Variants in AFF3 observed in about 807,000 individuals in gnomAD.
AFF3 encodes the protein AF4/FMR2 family member 3.
Under a neutral mutation model 129.7 loss-of-function variants are expected in AFF3, and 32 were observed. That is an observed-to-expected ratio of 0.25 (90% CI 0.19 to 0.33). The LOEUF (loss-of-function observed/expected upper bound fraction) is 0.33. Ranked by LOEUF, AFF3 falls within the 10% of genes least tolerant of loss-of-function variation. The pLI, the probability that AFF3 is intolerant of heterozygous loss-of-function variation, is 1.00. For missense variants in AFF3, 1,373 were observed against 1,592.0 expected (o/e 0.86, Z 2.34); for synonymous variants, 644 against 635.4 (o/e 1.01, Z -0.20).
At chr2:99,627,723 T>C (rs1682731840) in intron 13 of AFF3, among the ~76,000 whole-genome samples, 1 of 152,224 alleles carries the variant, frequency 6.6e-6, no homozygotes, top group Non-Finnish European at 1.5e-5. Context: ...CTTAAGTCTT[T>C]AATCTATCTC....
At chr2:99,915,795 C>T (rs982599861) in intron 7 of AFF3, among the ~76,000 whole-genome samples, 16 of 152,044 alleles carry the variant, frequency 1.1e-4, no homozygotes, top group African/African-American at 3.6e-4. Flanking sequence ...AGTCTATGTA[C>T]TTTTTGGGAT....
At chr2:99,858,152 A>T (rs1489508018) in intron 7 of AFF3, among the ~76,000 whole-genome samples, 1 of 152,190 alleles carries the variant, frequency 6.6e-6, no homozygotes, top group Non-Finnish European at 1.5e-5. Flanking sequence ...AGGAGGACTG[A>T]CTTGCAGATC....
At chr2:99,883,032 T>C (rs764368973) in intron 7 of AFF3, among the ~76,000 whole-genome samples, 1 of 152,196 alleles carries the variant, frequency 6.6e-6, no homozygotes, top group African/African-American at 2.4e-5. Flanking sequence ...CAATGATAGA[T>C]GTATTTTAAA....
chr2:99,669,967 A>G (rs1176745149), intron 12 of AFF3, among the ~76,000 whole-genome samples: 2 of 152,206 alleles, frequency 1.3e-5, no homozygotes, highest in Non-Finnish European at 2.9e-5. Flanking sequence ...AAATATGCCT[A>G]TTGGATCTGG....
At chr2:100,055,429 C>T (rs1686682741) in intron 4 of AFF3, among the ~76,000 whole-genome samples, 1 of 149,012 alleles carries the variant, frequency 6.7e-6, no homozygotes, top group Non-Finnish European at 1.5e-5. Context: ...TGGTCTCCAG[C>T]TCTGACTTCA....
intron 7 of AFF3, among the ~76,000 whole-genome samples, chr2:99,908,308 C>T (rs1391130007): frequency 9.2e-5 from 14 of 152,144 alleles, no homozygotes; most frequent in Admixed American, 8.5e-4. Flanking sequence ...CTTCCTTACA[C>T]CTTATACAAA....
At chr2:99,644,164 T>C (rs1336704940) in intron 13 of AFF3, among the ~76,000 whole-genome samples, 1 of 152,268 alleles carries the variant, frequency 6.6e-6, no homozygotes, top group African/African-American at 2.4e-5. Flanking sequence ...CCTGAGATAC[T>C]GCCAGATGGG....
At position 99,601,442 on chromosome 2, in the gene AFF3, C is replaced by T. The variant is rs1270961600; in HGVS notation, c.1364G>A (p.Ser455Asn). The change falls in exon 14 of 25, where the codon AGC becomes AAC. Residue 455 changes from serine (S) to asparagine (N), a missense_variant. Coordinates refer to ENST00000672756, the MANE Select transcript of AFF3 (RefSeq NM_001386135.1). ...GAGCCAGGCAGCGCTTACCTCGGGG[C>T]TGGAGAAGTGGGGGGGCTTGCTGCC... The part of the protein sequence containing the change: ...SEGSKPPHFS[S>N]PEAEPASSNK... The T allele has an allele frequency of 3.1e-6, 5 of 1,605,282 alleles. No individual in the cohort carries two copies. Among genetic ancestry groups the T allele is most frequent in the Admixed American group, 3.4e-5 (2 of 59,416 alleles).
intron 12 of AFF3, among the ~76,000 whole-genome samples, chr2:99,671,575 T>C: frequency 6.6e-6 from 1 of 152,204 alleles, no homozygotes. Flanking sequence ...TTATTTGTAT[T>C]TGCATGTCTA....
At chr2:99,982,942 C>T (rs1679544543) in intron 7 of AFF3, among the ~76,000 whole-genome samples, 1 of 152,108 alleles carries the variant, frequency 6.6e-6, no homozygotes, top group African/African-American at 2.4e-5. Context: ...TATGGGTAAC[C>T]CCTGAGGAAC....
At chr2:99,641,070 C>T (rs1684148589) in intron 13 of AFF3, among the ~76,000 whole-genome samples, 1 of 152,212 alleles carries the variant, frequency 6.6e-6, no homozygotes, top group African/African-American at 2.4e-5. Context: ...CAGCCTGGCC[C>T]TGCCCAGGCC....
chr2:99,553,875 A>G (rs1348040323), intron 24 of AFF3, among the ~76,000 whole-genome samples: 6 of 133,386 alleles, frequency 4.5e-5, no homozygotes, highest in Non-Finnish European at 9.3e-5. Flanking sequence ...GATAGTGCCC[A>G]TTGCACTTCA....
chr2:99,999,254 T>C (rs1199037962), intron 7 of AFF3, among the ~76,000 whole-genome samples: 1 of 152,212 alleles, frequency 6.6e-6, no homozygotes, highest in Admixed American at 6.5e-5. Flanking sequence ...TCCATTTCGC[T>C]TTGTAACAGC....
intron 7 of AFF3, among the ~76,000 whole-genome samples, chr2:99,876,094 T>C (rs1692272878): frequency 1.3e-5 from 2 of 152,112 alleles, no homozygotes; most frequent in Non-Finnish European, 2.9e-5. Flanking sequence ...TTAAGATCCC[T>C]AGGGGTTACA....
chr2:100,007,554 T>A lies in AFF3; in HGVS notation c.175-94A>T, dbSNP rs572149471. On this transcript the variant is annotated intron_variant, in intron 5 of 24. Coordinates refer to ENST00000672756, the MANE Select transcript of AFF3 (RefSeq NM_001386135.1). ...GCCCTTATCAATCACAGAGCCAGGG[T>A]TGTCACATGCAGAATGAGAGCTGAG... The A allele has an allele frequency of 6.1e-6, 7 of 1,156,330 alleles. No individual in the cohort carries two copies. The Admixed American group carries it at 6.2e-5, about 10-fold the overall frequency. The allele number at this position is 1,156,330 out of a possible 1,614,324, so 71.6% of individuals were successfully genotyped here.
At chr2:100,016,065 G>A (rs1338623579) in intron 4 of AFF3, among the ~76,000 whole-genome samples, 1 of 151,554 alleles carries the variant, frequency 6.6e-6, no homozygotes, top group African/African-American at 2.4e-5. Flanking sequence ...TAATGGTGGT[G>A]ATGACAGTGA....
intron 12 of AFF3, among the ~76,000 whole-genome samples, chr2:99,654,883 T>C (rs1463631112): frequency 6.6e-6 from 1 of 152,194 alleles, no homozygotes; most frequent in Non-Finnish European, 1.5e-5. Flanking sequence ...TTTCAATGTA[T>C]GCTAAATGAA....
intron 8 of AFF3, among the ~76,000 whole-genome samples, chr2:99,759,136 A>C (rs898520709): frequency 2.6e-5 from 4 of 152,184 alleles, no homozygotes; most frequent in African/African-American, 9.6e-5. Flanking sequence ...TGCCAATATA[A>C]TAGGATAGTT....
intron 7 of AFF3, among the ~76,000 whole-genome samples, chr2:99,898,831 C>T (rs1007429541): frequency 2.6e-5 from 4 of 152,186 alleles, no homozygotes; most frequent in Non-Finnish European, 5.9e-5. Flanking sequence ...ACATCAAAGG[C>T]TCCACTGCCT....
Sources: gnomAD v4.1 joint callset for allele counts (sites outside exome capture counted in the v4.1 genomes callset) on GRCh38, gnomAD v4.1.1 for gene constraint, MANE v1.5 for transcripts, NCBI Gene and HGNC (gene_info 2026-07-23, HGNC 2026-07-21) for gene names.